SLIT2: variants seen among roughly 807,000 people sequenced by gnomAD.
SLIT2 encodes the protein slit homolog 2 protein.
SLIT2 carries 41 observed loss-of-function variants against 185.7 expected under a neutral mutation model. The observed-to-expected ratio is 0.22, with a 90% CI of 0.17 to 0.29. The LOEUF (loss-of-function observed/expected upper bound fraction) is 0.29, where lower values mean the gene tolerates loss of function less well. SLIT2 is among the 10% of genes least tolerant of loss of function. The pLI is 1.00. For missense variants in SLIT2, 1,571 were observed against 1,909.0 expected (o/e 0.82, Z 3.30); for synonymous variants, 693 against 680.2 (o/e 1.02, Z -0.29).
chr4:20,427,425 A>C (rs957307464), intron 4 of SLIT2, among the ~76,000 whole-genome samples: 1 of 152,216 alleles, frequency 6.6e-6, no homozygotes, highest in African/African-American at 2.4e-5. Context: ...AAGTCTGTAC[A>C]TCCACAGAAT....
At chr4:20,270,176 G>C (rs1168411045) in intron 4 of SLIT2, among the ~76,000 whole-genome samples, 1 of 151,918 alleles carries the variant, frequency 6.6e-6, no homozygotes, top group East Asian at 1.9e-4. Flanking sequence ...TTATAGGTAT[G>C]CATATCAGTA....
chr4:20,444,511 A>G (rs1235332021), intron 4 of SLIT2, among the ~76,000 whole-genome samples: 2 of 152,152 alleles, frequency 1.3e-5, no homozygotes, highest in Non-Finnish European at 2.9e-5. Context: ...GGTCACACAA[A>G]CCTATGTTAA....
chr4:20,410,351 C>T (rs1175241055), intron 4 of SLIT2, among the ~76,000 whole-genome samples: 3 of 144,938 alleles, frequency 2.1e-5, no homozygotes, highest in Non-Finnish European at 3.0e-5. Context: ...CAGGTTCAAG[C>T]GATTCTACTG....
intron 4 of SLIT2, among the ~76,000 whole-genome samples, chr4:20,270,148 G>A (rs1383910893): frequency 6.6e-6 from 1 of 151,942 alleles, no homozygotes; most frequent in South Asian, 2.1e-4. Flanking sequence ...GAAATAGGGT[G>A]TAGGTTTGCT....
chr4:20,525,409 G>A (rs922307089), intron 15 of SLIT2, among the ~76,000 whole-genome samples: 3 of 151,786 alleles, frequency 2.0e-5, no homozygotes, highest in Admixed American at 6.6e-5. Context: ...TTACTTTGGC[G>A]CATTATCTAA....
chr4:20,354,456 T>G (rs1383133937), intron 4 of SLIT2, among the ~76,000 whole-genome samples: 1 of 152,186 alleles, frequency 6.6e-6, no homozygotes, highest in African/African-American at 2.4e-5. Context: ...CCTCAACTGA[T>G]TGGATGACCA....
At chr4:20,344,785 G>C (rs189013233) in intron 4 of SLIT2, among the ~76,000 whole-genome samples, 16 of 152,256 alleles carry the variant, frequency 1.1e-4, no homozygotes, top group African/African-American at 3.9e-4. Flanking sequence ...TGGGTTAAGA[G>C]ATACTACTGA....
intron 4 of SLIT2, among the ~76,000 whole-genome samples, chr4:20,298,960 A>T (rs1410717611): frequency 6.6e-6 from 1 of 152,246 alleles, no homozygotes; most frequent in Non-Finnish European, 1.5e-5. Flanking sequence ...TATTTTTAAT[A>T]AATGAAAAAT....
intron 4 of SLIT2, among the ~76,000 whole-genome samples, chr4:20,297,414 GT>G (rs1421740097): frequency 2.6e-5 from 4 of 152,106 alleles, no homozygotes; most frequent in African/African-American, 7.2e-5. Context: ...TATTCTGAGG[GT>G]TTTCCCCCCT....
chr4:20,408,473 C>A (rs1309754135), intron 4 of SLIT2, among the ~76,000 whole-genome samples: 3 of 152,094 alleles, frequency 2.0e-5, no homozygotes, highest in African/African-American at 7.2e-5. Context: ...CTCTACTATG[C>A]CCAGATCTCA....
At chr4:20,364,926 C>T (rs1560355840) in intron 4 of SLIT2, among the ~76,000 whole-genome samples, 1 of 152,062 alleles carries the variant, frequency 6.6e-6, no homozygotes, top group Admixed American at 6.6e-5. Context: ...ATGACTGTAG[C>T]ATGTCTTATT....
At chr4:20,532,721 A>G (rs1446579493) in intron 17 of SLIT2, among the ~76,000 whole-genome samples, 1 of 152,212 alleles carries the variant, frequency 6.6e-6, no homozygotes, top group African/African-American at 2.4e-5. Context: ...AGTCACATAG[A>G]CTGTAAGTTA....
At chr4:20,283,061 T>G (rs1192957805) in intron 4 of SLIT2, among the ~76,000 whole-genome samples, 1 of 152,202 alleles carries the variant, frequency 6.6e-6, no homozygotes, top group Non-Finnish European at 1.5e-5. Context: ...TTAGCACCAC[T>G]ATTTGCTTTA....
chr4:20,398,757 A>G (rs540240976), intron 4 of SLIT2, among the ~76,000 whole-genome samples: 1 of 151,786 alleles, frequency 6.6e-6, no homozygotes, highest in Non-Finnish European at 1.5e-5. Context: ...TGTGTGGATT[A>G]TAGTGTCATT....
chr4:20,366,893 G>A (rs1723163614), intron 4 of SLIT2, among the ~76,000 whole-genome samples: 1 of 151,924 alleles, frequency 6.6e-6, no homozygotes, highest in Non-Finnish European at 1.5e-5. Context: ...AACCTCCTGG[G>A]CTCAAGTGAT....
At chr4:20,257,303 A>G (rs1332914596) in intron 2 of SLIT2, among the ~76,000 whole-genome samples, 4 of 152,072 alleles carry the variant, frequency 2.6e-5, no homozygotes, top group Admixed American at 2.6e-4. Context: ...AGTGGGTTAA[A>G]TTAGCTGTGA....
At chr4:20,554,540 C>A (rs1724069661) in intron 26 of SLIT2, among the ~76,000 whole-genome samples, 1 of 151,988 alleles carries the variant, frequency 6.6e-6, no homozygotes, top group African/African-American at 2.4e-5. Context: ...ATAATACATG[C>A]CCCTAAATAG....
chr4:20,567,318 A>C lies in SLIT2; in HGVS notation c.2782A>C (p.Lys928Gln). The change falls in exon 27 of 37, where the codon AAA becomes CAA. Residue 928 changes from lysine (K) to glutamine (Q), a missense_variant. Transcript: ENST00000504154. ...KCNPCLSNPC[K>Q]NDGTCNSDPV... ...TAACCCCTGCCTATCAAATCCGTGTAAAAATGATGGCACATGTAATAGTGA... is the reference window on the plus strand; with the variant it reads ...TAACCCCTGCCTATCAAATCCGTGTCAAAATGATGGCACATGTAATAGTGA... 6.2e-7 allele frequency: 1 copy of C among 1,612,692 alleles called. No homozygotes were observed. The highest frequency in any genetic ancestry group is 8.5e-7 in the Non-Finnish European group (1 of 1,178,940).
chr4:20,428,250 A>G (rs1324507173), intron 4 of SLIT2, among the ~76,000 whole-genome samples: 3 of 152,208 alleles, frequency 2.0e-5, no homozygotes, highest in Non-Finnish European at 4.4e-5. Flanking sequence ...TGTACACAGA[A>G]TATCAAACAT....
Sources: allele counts gnomAD v4.1 joint callset (sites outside exome capture counted in the v4.1 genomes callset), GRCh38; gene constraint gnomAD v4.1.1; transcripts MANE v1.5; gene names NCBI Gene and HGNC (gene_info 2026-07-23, HGNC 2026-07-21).